Variants in SDK1 observed in about 807,000 individuals in gnomAD.
SDK1 encodes the protein protein sidekick-1.
In SDK1, 157 loss-of-function variants were observed where a neutral mutation model predicts 245.5. That is an observed-to-expected ratio of 0.64 (90% CI 0.56 to 0.73). SDK1 has a LOEUF of 0.73. Among genes scored for constraint, SDK1 ranks in the 30% least tolerant of loss-of-function variants. The probability of loss-of-function intolerance (pLI) is 0.00; values close to 1 mark genes in which losing one functional copy is unlikely to be tolerated. For synonymous variants in SDK1, 1,647 were observed against 1,278.5 expected, an observed-to-expected ratio of 1.29 and a Z score of -6.15; for missense variants, 3,583 against 3,002.3, an observed-to-expected ratio of 1.19 and a Z score of -4.52.
chr7:3,545,603 A>G (rs925015569), intron 1 of SDK1, among the ~76,000 whole-genome samples: 1 of 152,204 alleles, frequency 6.6e-6, no homozygotes, highest in Admixed American at 6.5e-5. Context: ...CACTAAGTGA[A>G]TATTACATGA....
intron 13 of SDK1, among the ~76,000 whole-genome samples, chr7:3,977,838 A>G (rs534872642): frequency 2.0e-5 from 3 of 152,314 alleles, no homozygotes; most frequent in South Asian, 2.1e-4. Flanking sequence ...CAATAAATAT[A>G]TGTTGGTTGG....
At chr7:4,138,457 T>A (rs780254877) in intron 28 of SDK1, among the ~76,000 whole-genome samples, 19 of 152,120 alleles carry the variant, frequency 1.2e-4, no homozygotes, top group Admixed American at 1.1e-3. Flanking sequence ...GAAAAATGAT[T>A]ACCAAAGGCC....
rs1178933254 is a variant in SDK1 at position 3,301,814 on chromosome 7, G to A, written c.228G>A (p.Leu76=). The change falls in exon 1 of 45, where the codon TTG becomes TTA. Residue 76 remains leucine (L), a synonymous_variant. Transcript: ENST00000404826. ...GRCGGRRAAK[L]GPGRRGWWAL... is the part of the protein sequence containing the mutation. ...GCGGCGGGCGGCGGGCGGCAAAGTTGGGGCCGGGCCGCCGCGGCTGGTGGG... is the reference window on the plus strand; with the variant it reads ...GCGGCGGGCGGCGGGCGGCAAAGTTAGGGCCGGGCCGCCGCGGCTGGTGGG... The A allele has an allele frequency of 3.1e-5, 34 of 1,080,666 alleles. No individual in the cohort carries two copies. Among genetic ancestry groups the A allele is most frequent in the Non-Finnish European group, 3.5e-5 (31 of 893,080 alleles). 66.9% of individuals were successfully genotyped at this position (1,080,666 alleles called of 1,614,324 possible). A position where few individuals can be genotyped will look rare whatever the true frequency, so the allele number is the denominator to read the frequency against.
At chr7:4,245,175 A>G (rs552753187) in intron 43 of SDK1, among the ~76,000 whole-genome samples, 1 of 152,238 alleles carries the variant, frequency 6.6e-6, no homozygotes. Context: ...CCAGCCAGAG[A>G]GGACGAATGC....
chr7:4,172,387 A>G (rs372134941), intron 32 of SDK1, among the ~76,000 whole-genome samples: 1 of 152,174 alleles, frequency 6.6e-6, no homozygotes, highest in Non-Finnish European at 1.5e-5. Context: ...TTGCTACCAC[A>G]GTGCAAGCCC....
intron 4 of SDK1, among the ~76,000 whole-genome samples, chr7:3,677,179 GCT>G (rs1485694522): frequency 2.6e-5 from 4 of 152,074 alleles, no homozygotes; most frequent in Non-Finnish European, 4.4e-5. Context: ...CAGGGATTCT[GCT>G]CTGTGTGCGA....
intron 1 of SDK1, among the ~76,000 whole-genome samples, chr7:3,574,123 C>CTT (rs762606484): frequency 5.5e-4 from 79 of 143,556 alleles, no homozygotes; most frequent in African/African-American, 1.9e-3. Flanking sequence ...TTTTTTTTTT[C>CTT]TTTTTTTTTT....
chr7:4,109,358 A>C (rs1389976851), intron 22 of SDK1, among the ~76,000 whole-genome samples: 1 of 152,218 alleles, frequency 6.6e-6, no homozygotes, highest in Non-Finnish European at 1.5e-5. Context: ...CCGTGTCGCC[A>C]GTTTACCAAG....
chr7:4,007,489 A>G (rs1308814651), intron 14 of SDK1, among the ~76,000 whole-genome samples: 7 of 152,102 alleles, frequency 4.6e-5, no homozygotes, highest in Non-Finnish European at 1.0e-4. Context: ...GGATCTAGGG[A>G]GAGCAAGCTG....
chr7:4,113,387 C>T lies in SDK1; in HGVS notation c.3533C>T (p.Thr1178Ile), dbSNP rs1428306235. 1.3e-5 allele frequency: 21 copies of T among 1,613,984 alleles called. No individual in the cohort carries two copies. Among genetic ancestry groups the T allele is most frequent in the Non-Finnish European group, 1.6e-5 (19 of 1,180,048 alleles). Residue 1178 changes from threonine to isoleucine, a missense_variant, in exon 24 of 45, where the codon ACC becomes ATC. Coordinates refer to ENST00000404826, the MANE Select transcript of SDK1 (RefSeq NM_152744.4). ...CAGGCCCCACCCGACGTGGCTCCAA[C>T]CAGCGTCACGGTCCGTACTGCCAGT... ...TLQAPPDVAP[T>I]SVTVRTASET... is the part of the protein sequence containing the mutation.
chr7:3,806,447 C>A (rs766533009), intron 4 of SDK1, among the ~76,000 whole-genome samples: 2 of 152,236 alleles, frequency 1.3e-5, no homozygotes, highest in Admixed American at 6.5e-5. Context: ...ACCCAACAGA[C>A]GGCTAAAGAG....
rs147716855 is a variant in SDK1, at chr7:3,743,881, A to C, written c.714-77569A>C. On this transcript the variant is annotated intron_variant, in intron 4 of 44. Transcript: ENST00000404826. ...AGCTATCTGCCCCCATGAATGGATC[A>C]TAAAAGATGTCTTCCAATGTGCTGA... 7.9e-5 allele frequency among the ~76,000 whole-genome samples: 12 copies of C among 152,338 alleles called. No homozygotes were observed. In the East Asian group the frequency reaches 2.3e-3, roughly 29 times the overall value.
intron 1 of SDK1, among the ~76,000 whole-genome samples, chr7:3,425,891 A>G (rs973836122): frequency 1.3e-5 from 2 of 152,132 alleles, no homozygotes; most frequent in Admixed American, 6.5e-5. Context: ...ATAAGAGACA[A>G]TAGGAGCCCA....
At chr7:3,687,278 G>A (rs1173407230) in intron 4 of SDK1, among the ~76,000 whole-genome samples, 3 of 151,328 alleles carry the variant, frequency 2.0e-5, no homozygotes, top group Admixed American at 6.6e-5. Flanking sequence ...ACAGGCACAC[G>A]TCACCACACC....
intron 1 of SDK1, among the ~76,000 whole-genome samples, chr7:3,511,632 A>C (rs1384006162): frequency 6.6e-6 from 1 of 151,914 alleles, no homozygotes; most frequent in African/African-American, 2.4e-5. Context: ...TTTCTGGGTG[A>C]TTGTGTTAAG....
intron 2 of SDK1, among the ~76,000 whole-genome samples, chr7:3,634,299 C>G (rs1782390460): frequency 6.6e-6 from 1 of 152,112 alleles, no homozygotes; most frequent in Non-Finnish European, 1.5e-5. Flanking sequence ...TGAGATGGAC[C>G]CGATGCTGCC....
chr7:3,362,949 G>A (rs1780992803), intron 1 of SDK1, among the ~76,000 whole-genome samples: 1 of 152,156 alleles, frequency 6.6e-6, no homozygotes, highest in Non-Finnish European at 1.5e-5. Context: ...AGATTCACAA[G>A]CGGTTATAAG....
chr7:3,975,871 C>T (rs1384999419), intron 13 of SDK1, among the ~76,000 whole-genome samples: 11 of 152,210 alleles, frequency 7.2e-5, no homozygotes, highest in East Asian at 1.9e-4. Flanking sequence ...GGCAGTGGTG[C>T]GGGGGTCCTG....
intron 19 of SDK1, among the ~76,000 whole-genome samples, chr7:4,057,702 G>T (rs1779285488): frequency 6.6e-6 from 1 of 152,092 alleles, no homozygotes; most frequent in African/African-American, 2.4e-5. Flanking sequence ...CCAAGGATTG[G>T]CCCACCTGGT....
Sources: allele counts gnomAD v4.1 joint callset (sites outside exome capture counted in the v4.1 genomes callset), GRCh38; gene constraint gnomAD v4.1.1; transcripts MANE v1.5; gene names NCBI Gene and HGNC (gene_info 2026-07-23, HGNC 2026-07-21).